Variants in EIF4G3 observed in about 807,000 individuals in gnomAD.
The protein encoded by EIF4G3 is eIF-4-gamma 3.
EIF4G3 carries 34 observed loss-of-function variants against 186.4 expected under a neutral mutation model. The observed-to-expected ratio is 0.18, with a 90% confidence interval of 0.14 to 0.24. The LOEUF (loss-of-function observed/expected upper bound fraction) is 0.24, where lower values mean the gene tolerates loss of function less well. Ranked by LOEUF, EIF4G3 falls within the 10% of genes least tolerant of loss-of-function variation. EIF4G3 has a pLI of 1.00. For synonymous variants in EIF4G3, 673 were observed against 679.5 expected (o/e 0.99, Z 0.15); for missense variants, 1,536 against 1,948.5 (o/e 0.79, Z 3.99).
intron 4 of EIF4G3, among the ~76,000 whole-genome samples, chr1:21,036,832 G>C (rs2154572630): frequency 6.6e-6 from 1 of 152,300 alleles, no homozygotes; most frequent in South Asian, 2.1e-4. Flanking sequence ...AATGAGCCAA[G>C]ATCGTGCCAC....
At chr1:21,106,427 T>C (rs139287887) in intron 2 of EIF4G3, among the ~76,000 whole-genome samples, 2 of 152,214 alleles carry the variant, frequency 1.3e-5, no homozygotes, top group Non-Finnish European at 2.9e-5. Flanking sequence ...GGAATAGCTA[T>C]TGCATAAGAG....
At position 20,942,012 on chromosome 1, in the gene EIF4G3, G is replaced by T. The variant is rs780287218; in HGVS notation, c.1142C>A (p.Pro381His). Residue 381 changes from proline (P) to histidine (H), a missense_variant, in exon 14 of 37, where the codon CCT becomes CAT. By Grantham distance (77) the Pro-to-His change is moderately conservative. Coordinates refer to ENST00000602326, the MANE Select transcript of EIF4G3 (RefSeq NM_001391906.1). ...ATCATCATTTTCATTTGTTGGTAAA[G>T]GGTCTGATGTTTCTGTGCAAGATGT... Reference protein sequence around the residue: ...SLTSCTETSDPLPTNENDDDI... With the variant: ...SLTSCTETSDHLPTNENDDDI... 6.2e-7 allele frequency: 1 copy of T among 1,614,174 alleles called. No homozygotes were observed. The highest frequency in any genetic ancestry group is 1.7e-4 in the Middle Eastern group (1 of 6,060).
intron 29 of EIF4G3, among the ~76,000 whole-genome samples, chr1:20,844,832 C>CA (rs1286500647): frequency 2.0e-5 from 3 of 151,856 alleles, no homozygotes; most frequent in South Asian, 2.1e-4. Flanking sequence ...CACTCCATCT[C>CA]AAAAAACAAA....
At chr1:20,950,223 A>G in intron 12 of EIF4G3, 112 bp from the exon 13 acceptor site, 1 of 646,352 alleles carries the variant, frequency 1.5e-6, no homozygotes, top group Non-Finnish European at 2.4e-6. Flanking sequence ...TCACAAAATT[A>G]AAAAAGGAAA....
At position 21,051,007 on chromosome 1, in the gene EIF4G3, C is replaced by A; in HGVS notation, c.-195-13G>T. 1.4e-6 allele frequency: 1 copy of A among 717,050 alleles called. No homozygotes were observed. The highest frequency in any genetic ancestry group is 1.5e-5 in the South Asian group (1 of 67,516). 44.4% of individuals were successfully genotyped at this position (717,050 alleles called of 1,614,324 possible). A position where few individuals can be genotyped will look rare whatever the true frequency, so the allele number is the denominator to read the frequency against. On this transcript the variant is annotated splice_polypyrimidine_tract_variant and intron_variant, in intron 3 of 36. Transcript: ENST00000602326. ...CCACTTGTGTTACCTGTGAGGAAATCAATATTTAGTAAGAACATTATATTA... is the reference window on the plus strand; with the variant it reads ...CCACTTGTGTTACCTGTGAGGAAATAAATATTTAGTAAGAACATTATATTA...
At chr1:20,814,756 T>TC (rs771917267) in intron 34 of EIF4G3, among the ~76,000 whole-genome samples, 2 of 23,684 alleles carry the variant, frequency 8.4e-5, no homozygotes. Flanking sequence ...CATCTCCCCC[T>TC]CCCCCTCCCC....
intron 3 of EIF4G3, among the ~76,000 whole-genome samples, chr1:21,062,592 G>C (rs1207777784): frequency 1.3e-5 from 2 of 152,068 alleles, no homozygotes; most frequent in African/African-American, 4.8e-5. Flanking sequence ...TACAGATATA[G>C]ATATACCTAT....
chr1:20,861,163 C>T lies in EIF4G3; in HGVS notation c.3112-646G>A, dbSNP rs1174628600. Among the ~76,000 whole-genome samples the T allele has an allele frequency of 2.0e-5, 3 of 152,304 alleles. No individual in the cohort carries two copies. The East Asian group carries it at 5.8e-4, about 29-fold the overall frequency. The stretch of plus-strand genomic sequence containing the variant: ...TTGATAACATGGGTGAAGACAACCA[C>T]ATCTAGTCTTAGCAAGATAAAGAAT... On this transcript the variant is annotated intron_variant, in intron 23 of 36. Transcript: ENST00000602326.
At chr1:21,132,159 C>T (rs569270853) in intron 2 of EIF4G3, among the ~76,000 whole-genome samples, 2 of 151,932 alleles carry the variant, frequency 1.3e-5, no homozygotes, top group East Asian at 3.9e-4. Flanking sequence ...ATAAACATAG[C>T]CAAAGTGATA....
chr1:21,171,733 G>A (rs561069428), intron 2 of EIF4G3, among the ~76,000 whole-genome samples: 75 of 152,292 alleles, frequency 4.9e-4, no homozygotes, highest in Non-Finnish European at 7.6e-4. Context: ...CTGAATAAAT[G>A]AGTCTAGACC....
intron 3 of EIF4G3, among the ~76,000 whole-genome samples, chr1:21,059,013 T>G (rs1166529668): frequency 6.6e-6 from 1 of 151,990 alleles, no homozygotes; most frequent in Non-Finnish European, 1.5e-5. Flanking sequence ...AATGAAAACA[T>G]ACTGCTTTAA....
intron 6 of EIF4G3, chr1:20,999,681 G>A: frequency 2.3e-6 from 1 of 436,244 alleles, no homozygotes; most frequent in Non-Finnish European, 4.5e-6. Flanking sequence ...GTAGGAAAGT[G>A]CCCTAGGAAA....
chr1:21,149,844 T>C (rs2097523270), intron 2 of EIF4G3, among the ~76,000 whole-genome samples: 1 of 152,222 alleles, frequency 6.6e-6, no homozygotes, highest in South Asian at 2.1e-4. Context: ...GAAATCACCA[T>C]CATTCTGGAC....
At chr1:21,023,671 A>G (rs972329155) in intron 4 of EIF4G3, among the ~76,000 whole-genome samples, 16 of 151,676 alleles carry the variant, frequency 1.1e-4, no homozygotes, top group South Asian at 2.1e-4. Flanking sequence ...GCCTCTGCCC[A>G]GCCGCCACCC....
At chr1:21,004,239 T>A (rs931267157) in intron 4 of EIF4G3, among the ~76,000 whole-genome samples, 7 of 152,322 alleles carry the variant, frequency 4.6e-5, no homozygotes, top group East Asian at 1.9e-4. Flanking sequence ...GAACCTTATA[T>A]AAAACCTTAG....
rs779206426 is a variant in EIF4G3 at position 20,857,427 on chromosome 1, G to C, written c.3315C>G (p.Pro1105=). The C allele has an allele frequency of 6.2e-7, 1 of 1,613,972 alleles. No homozygotes were observed. Among genetic ancestry groups the C allele is most frequent in the Non-Finnish European group, 8.5e-7 (1 of 1,179,978 alleles). ...CCTTAGTGATTTTTAGGAATTTTGA[G>C]GGGTCCAGTACCCGACTGTTCTTGG... ...QGAKNSRVLD[P]SKFLKITKPT... is the part of the protein sequence containing the mutation. Residue 1105 remains proline (P), a synonymous_variant, in exon 25 of 37, where the codon CCC becomes CCG. Transcript: ENST00000602326.
intron 4 of EIF4G3, among the ~76,000 whole-genome samples, chr1:21,024,623 T>C (rs1325154248): frequency 6.6e-6 from 1 of 150,412 alleles, no homozygotes; most frequent in African/African-American, 2.4e-5. Flanking sequence ...ACATGTGCTG[T>C]GTCCACTCAG....
intron 4 of EIF4G3, among the ~76,000 whole-genome samples, chr1:21,035,494 C>T (rs1001094881): frequency 7.2e-5 from 11 of 152,228 alleles, no homozygotes; most frequent in African/African-American, 1.9e-4. Flanking sequence ...CTGGCCTCTC[C>T]CCACTCCCAG....
intron 4 of EIF4G3, among the ~76,000 whole-genome samples, chr1:21,028,948 C>A (rs1226995337): frequency 1.3e-5 from 2 of 152,214 alleles, no homozygotes; most frequent in African/African-American, 4.8e-5. Flanking sequence ...TTCATGATCA[C>A]AGCTCATCGT....
Sources: allele counts gnomAD v4.1 joint callset (sites outside exome capture counted in the v4.1 genomes callset), GRCh38; gene constraint gnomAD v4.1.1; transcripts MANE v1.5; gene names NCBI Gene and HGNC (gene_info 2026-07-23, HGNC 2026-07-21).